The following BAP1 variants were observed in gnomAD, a reference collection of about 807,000 sequenced individuals.
The protein encoded by BAP1 is BRCA1 associated deubiquitinase 1.
BAP1 carries 16 observed loss-of-function variants against 77.2 expected under a neutral mutation model. The ratio of observed to expected loss-of-function variants is 0.21; its 90% CI spans 0.14 to 0.31. The LOEUF (loss-of-function observed/expected upper bound fraction) is 0.31. Ranked by LOEUF, BAP1 falls within the 10% of genes least tolerant of loss-of-function variation. The probability of loss-of-function intolerance (pLI) is 1.00; values close to 1 mark genes in which losing one functional copy is unlikely to be tolerated. For missense variants in BAP1, 699 were observed against 967.3 expected (o/e 0.72, Z 3.68); for synonymous variants, 362 against 385.2 (o/e 0.94, Z 0.71).
chr3:52,403,188 C>T lies in BAP1; in HGVS notation c.1840G>A (p.Gly614Arg), dbSNP rs746271680. 1.2e-6 allele frequency: 2 copies of T among 1,614,172 alleles called. No homozygotes were observed. The highest frequency in any genetic ancestry group is 8.5e-7 in the Non-Finnish European group (1 of 1,180,048). ...VEATDSREKT[G>R]MVRPGEPLSG... ...AAGGGCTCGCCAGGCCTCACCATCCCCGTCTTCTCTCTGCTGTCCGTGGCT... is the reference window on the plus strand; with the variant it reads ...AAGGGCTCGCCAGGCCTCACCATCCTCGTCTTCTCTCTGCTGTCCGTGGCT... Residue 614 changes from glycine (G) to arginine (R), a missense_variant, in exon 14 of 17, where the codon GGG (glycine) becomes AGG (arginine). Transcript: ENST00000460680. The surrounding 1 kb of genome is among the most constrained non-coding windows in gnomAD (Gnocchi z 4.0).
chr3:52,406,616 C>G lies in BAP1; in HGVS notation c.659+213G>C. The G allele has an allele frequency of 1.2e-6, 1 of 862,542 alleles. No homozygotes were observed. The allele number at this position is 862,542 out of a possible 1,614,324, so 53.4% of individuals were successfully genotyped here. The stretch of plus-strand genomic sequence containing the variant: ...CAGACCTGGGCTGCCTAAGGCTCCA[C>G]TGAGGCCTGCCCCTCCCCCAGCCCA... On this transcript the variant is annotated intron_variant, in intron 8 of 16. Coordinates refer to ENST00000460680, the MANE Select transcript of BAP1 (RefSeq NM_004656.4). The surrounding 1 kb of genome is among the most constrained non-coding windows in gnomAD (Gnocchi z 4.6).
rs777741631 is a variant in BAP1 at position 52,407,095 on chromosome 3, C to T, written c.580+79G>A. On this transcript the variant is annotated intron_variant, in intron 7 of 16. Coordinates refer to ENST00000460680, the MANE Select transcript of BAP1 (RefSeq NM_004656.4). ...CGACAACCCCTGCCACTGGGTACCA[C>T]ATACCAGAGGGCCCTGAGCCCCAGC... 7 of 1,605,656 alleles carry T rather than the reference C, an allele frequency of 4.4e-6. No homozygotes were observed. The South Asian group carries it at 5.5e-5, about 13-fold the overall frequency.
At position 52,403,866 on chromosome 3, in the gene BAP1, C is replaced by T. The variant is rs1553644999; in HGVS notation, c.1279G>A (p.Gly427Arg). The change falls in exon 13 of 17, where the codon GGG (glycine) becomes AGG (arginine). Residue 427 changes from glycine (G) to arginine (R), a missense_variant. Around this residue, in one of 3 missense-constraint regions of BAP1, gnomAD observed 475 missense variants for 532.4 expected, o/e 0.89. Coordinates refer to ENST00000460680, the MANE Select transcript of BAP1 (RefSeq NM_004656.4). This position sits in a 1 kb window ranked among gnomAD's most constrained non-coding sequence, Gnocchi z 4.0. The part of the protein sequence containing the change: ...RYKGKGTGKP[G>R]ALSGSADGQL... ...CCATCAGCAGAACCGCTCAATGCCC[C>T]TGGCTTCCCTGTTCCCTTCCCCTTA... 3.1e-6 allele frequency: 5 copies of T among 1,614,118 alleles called. No individual in the cohort carries two copies. Among genetic ancestry groups the T allele is most frequent in the Non-Finnish European group, 4.2e-6 (5 of 1,180,032 alleles).
intron 3 of BAP1, among the ~76,000 whole-genome samples, chr3:52,409,169 C>G (rs989316760): frequency 6.6e-6 from 1 of 152,230 alleles, no homozygotes; most frequent in African/African-American, 2.4e-5. Flanking sequence ...GGCCTTGTCA[C>G]CCCAACCAAT....
chr3:52,403,234 T>C lies in BAP1; in HGVS notation c.1794A>G (p.Pro598=). ...TGGCTTCCACGACCTCCTTCTCCAC[T>C]GGGCTGCTGGACCCCTGGCTGCCTT... The part of the protein sequence containing the change: ...PIQGSQGSSS[P]VEKEVVEATD... Residue 598 remains proline, a synonymous_variant, in exon 14 of 17, where the codon CCA becomes CCG. Transcript: ENST00000460680. The surrounding 1 kb of genome is among the most constrained non-coding windows in gnomAD (Gnocchi z 4.0). The C allele has an allele frequency of 6.2e-7, 1 of 1,614,198 alleles. No individual in the cohort carries two copies. Among genetic ancestry groups the C allele is most frequent in the East Asian group, 2.2e-5 (1 of 44,884 alleles).
Position 52,405,934 on chromosome 3 carries a change from CAG to C in BAP1, c.784-24_784-23del, listed in dbSNP as rs773924799. The C allele has an allele frequency of 6.9e-5, 111 of 1,613,714 alleles. No homozygotes were observed. The East Asian group carries it at 2.5e-3, about 36-fold the overall frequency. On this transcript the variant is annotated intron_variant, in intron 9 of 16. Transcript: ENST00000460680. ...TCAGCTAACAACAGAATCCAGGGCT[CAG>C]AGGAGAAAGGGTAGACCCGGGCTTC... is the stretch of plus-strand genomic sequence containing the variant.
chr3:52,402,472 A>C lies in BAP1; in HGVS notation c.2057-51T>G, dbSNP rs1338490019. The C allele has an allele frequency of 4.4e-6, 7 of 1,585,084 alleles. No individual in the cohort carries two copies. Among genetic ancestry groups the C allele is most frequent in the Non-Finnish European group, 6.0e-6 (7 of 1,166,162 alleles). On this transcript the variant is annotated intron_variant, in intron 16 of 16. Transcript: ENST00000460680. The surrounding 1 kb of genome is among the most constrained non-coding windows in gnomAD (Gnocchi z 5.3). ...CAGGTGCTGGCTGCCTCAGGCCAGG[A>C]GCTGAGGCTCTCATGGCCCTCCCTG...
rs1037730546 is a variant in BAP1, at chr3:52,401,094, G to C, written c.*1194C>G. On this transcript the variant is annotated 3_prime_UTR_variant, in exon 17 of 17. Coordinates refer to ENST00000460680, the MANE Select transcript of BAP1 (RefSeq NM_004656.4). ...GAGGGGTCAAGCTGTGCTCAGCCCAGAGGCAGCTGCCACACTTGCCAGCAC... is the reference window on the plus strand; with the variant it reads ...GAGGGGTCAAGCTGTGCTCAGCCCACAGGCAGCTGCCACACTTGCCAGCAC... 1.7e-5 allele frequency: 4 copies of C among 232,084 alleles called. No individual in the cohort carries two copies. The highest frequency in any genetic ancestry group is 5.6e-5 in the Admixed American group (1 of 17,820). 14.4% of individuals were successfully genotyped at this position (232,084 alleles called of 1,614,324 possible).
Position 52,406,113 on chromosome 3 carries a change from G to T in BAP1, c.783+140C>A. On this transcript the variant is annotated intron_variant, in intron 9 of 16. Transcript: ENST00000460680. The surrounding 1 kb of genome is among the most constrained non-coding windows in gnomAD (Gnocchi z 4.6). ...AAGTCCCACCTTTCCCACAATGGGG[G>T]CAAAGAAAAGATGTGGTTAGCTGAA... 6.5e-7 allele frequency: 1 copy of T among 1,530,018 alleles called. No individual in the cohort carries two copies. The highest frequency in any genetic ancestry group is 8.9e-7 in the Non-Finnish European group (1 of 1,117,542). The allele number at this position is 1,530,018 out of a possible 1,614,324, so 94.8% of individuals were successfully genotyped here.
Position 52,405,759 on chromosome 3 carries a change from C to A in BAP1, c.931+6G>T, listed in dbSNP as rs182594226. ...GGTCCACAAGAGGTCCCAAACCCCC[C>A]AGTACCTGTGTGGTTGCCCTCAGAG... On this transcript the variant is annotated splice_donor_region_variant and intron_variant, in intron 10 of 16. Coordinates refer to ENST00000460680, the MANE Select transcript of BAP1 (RefSeq NM_004656.4). 3 of 1,612,772 alleles carry A rather than the reference C, an allele frequency of 1.9e-6. No homozygotes were observed. The highest frequency in any genetic ancestry group is 3.3e-5 in the Admixed American group (2 of 59,996).
chr3:52,402,673 A>G lies in BAP1; in HGVS notation c.1985T>C (p.Ile662Thr), dbSNP rs773857745. Residue 662 changes from isoleucine to threonine, a missense_variant and splice_region_variant, in exon 16 of 17, where the codon ATT (isoleucine) becomes ACT (threonine). Transcript: ENST00000460680. The surrounding 1 kb of genome is among the most constrained non-coding windows in gnomAD (Gnocchi z 5.3). ...GTTGTGGGTCCTTCTCTGGTCATCA[A>G]TCTGTAGGAGAGAAGAAGACTGAGA... Reference protein sequence around the residue: ...EEVEKRKKFKIDDQRRTHNYD... With the variant: ...EEVEKRKKFKTDDQRRTHNYD... The G allele has an allele frequency of 2.5e-6, 4 of 1,614,150 alleles. No homozygotes were observed. The highest frequency in any genetic ancestry group is 1.7e-5 in the Admixed American group (1 of 60,026).
chr3:52,405,883 A>T lies in BAP1; in HGVS notation c.813T>A (p.Ile271=), dbSNP rs1559589285. 6.2e-7 allele frequency: 1 copy of T among 1,614,116 alleles called. No homozygotes were observed. Among genetic ancestry groups the T allele is most frequent in the East Asian group, 2.2e-5 (1 of 44,884 alleles). ...QLIRVTQPEL[I]QTHKSQESQL... is the part of the protein sequence containing the mutation. ...GTGACTCTTGAGACTTGTGGGTCTGAATCAGCTCTGGCTGTGTTACTCTTA... is the reference window on the plus strand; with the variant it reads ...GTGACTCTTGAGACTTGTGGGTCTGTATCAGCTCTGGCTGTGTTACTCTTA... The change falls in exon 10 of 17, where the codon ATT becomes ATA. Residue 271 remains isoleucine, a synonymous_variant. Transcript: ENST00000460680.
chr3:52,409,522 G>T (rs2153228491), intron 3 of BAP1, 32 bp downstream of exon 3: 1 of 1,613,870 alleles, frequency 6.2e-7, no homozygotes, highest in Non-Finnish European at 8.5e-7. Flanking sequence ...CACTCTGGGT[G>T]TAAGGGGCAG....
Position 52,405,267 on chromosome 3 carries a change from C to G in BAP1, c.959G>C (p.Cys320Ser), listed in dbSNP as rs1705113756. ...TDGAEEAAGS[C>S]AQAPSHSPPN... ...AGGGCTGTGGGATGGGGCTTGTGCG[C>G]ATGAACCAGCCGCCTCCTCTGCACC... Residue 320 changes from cysteine to serine, a missense_variant, in exon 11 of 17, where the codon TGC becomes TCC. This residue lies in a region of BAP1 where 475 missense variants were observed against 532.4 expected (regional missense o/e 0.89). Transcript: ENST00000460680. The G allele has an allele frequency of 6.2e-7, 1 of 1,613,860 alleles. No homozygotes were observed. The highest frequency in any genetic ancestry group is 8.5e-7 in the Non-Finnish European group (1 of 1,180,006).
At position 52,407,182 on chromosome 3, in the gene BAP1, A is replaced by G. The variant is rs752793866; in HGVS notation, c.572T>C (p.Ile191Thr). Residue 191 changes from isoleucine (I) to threonine (T), a missense_variant, in exon 7 of 17, where the codon ATT becomes ACT. Physicochemically the swap from Ile to Thr is moderately conservative, Grantham distance 89. Around this residue, in one of 3 missense-constraint regions of BAP1, gnomAD observed 160 missense variants for 322.8 expected, o/e 0.50. Transcript: ENST00000460680. ...FELDGLKVYPIDHGPWGEDEE... is the reference protein window; with the variant it reads ...FELDGLKVYPTDHGPWGEDEE... ...CAGCTCATGGTGCCTACCATGGTCA[A>G]TGGGGTAGACCTTCAGCCCATCCAG... The G allele has an allele frequency of 2.4e-5, 38 of 1,613,918 alleles. No homozygotes were observed. In the South Asian group the frequency reaches 3.8e-4, roughly 16 times the overall value.
intron 3 of BAP1, 128 bp downstream of exon 3, chr3:52,409,426 G>A (rs989006869): frequency 3.9e-6 from 5 of 1,270,248 alleles, no homozygotes; most frequent in Middle Eastern, 3.7e-4. Context: ...CAGAGAGCAA[G>A]GCTGCTGCTT....
chr3:52,405,708 T>C (rs968873847), intron 10 of BAP1, 57 bp downstream of exon 10: 41 of 1,607,104 alleles, frequency 2.6e-5, no homozygotes, highest in Non-Finnish European at 3.3e-5. Flanking sequence ...AGGCCTCCCA[T>C]GTCAGACATT....
rs2153227731 is a variant in BAP1 at position 52,407,118 on chromosome 3, A to T, written c.580+56T>A. 3.1e-6 allele frequency: 5 copies of T among 1,610,950 alleles called. No individual in the cohort carries two copies. In the South Asian group the frequency reaches 3.3e-5, roughly 11 times the overall value. On this transcript the variant is annotated intron_variant, in intron 7 of 16. Transcript: ENST00000460680. ...CACATACCAGAGGGCCCTGAGCCCC[A>T]GCTCCCTAGGAGGTAGGCAGAGACA...
rs893344958 is a variant in BAP1 at position 52,410,000 on chromosome 3, G to T, written c.-122C>A. On this transcript the variant is annotated 5_prime_UTR_variant, in exon 1 of 17. Coordinates refer to ENST00000460680, the MANE Select transcript of BAP1 (RefSeq NM_004656.4). ...CCACACACAGACAACGGGCCCAGTC[G>T]CGTCACCCGCCCGCGCCGGCGGCAG... 17 of 1,413,910 alleles carry T rather than the reference G, an allele frequency of 1.2e-5. No individual in the cohort carries two copies. In the African/African-American group the frequency reaches 1.8e-4, roughly 15 times the overall value. 87.6% of individuals were successfully genotyped at this position (1,413,910 alleles called of 1,614,324 possible).
Sources: gnomAD v4.1 joint callset for allele counts (sites outside exome capture counted in the v4.1 genomes callset) on GRCh38, gnomAD v4.1.1 for gene constraint, gnomAD v4.1.1 regional missense constraint, Gnocchi (gnomAD v3.1) non-coding constraint, MANE v1.5 for transcripts, NCBI Gene and HGNC (gene_info 2026-07-23, HGNC 2026-07-21) for gene names.